DHTKD1: variants seen among roughly 807,000 people sequenced by gnomAD.
DHTKD1 encodes the protein 2-oxoadipate dehydrogenase complex component E1.
Under a neutral mutation model 101.8 loss-of-function variants are expected in DHTKD1, and 78 were observed. That is an observed-to-expected ratio of 0.77 (90% CI 0.64 to 0.93). DHTKD1 has a LOEUF of 0.93. Among genes scored for constraint, DHTKD1 ranks in the 40% least tolerant of loss-of-function variants. DHTKD1 has a pLI of 0.00. For synonymous variants in DHTKD1, 462 were observed against 450.3 expected (o/e 1.03, Z -0.33); for missense variants, 1,223 against 1,161.7 (o/e 1.05, Z -0.77).
chr10:12,102,052 G>T (rs1160569853), intron 10 of DHTKD1, among the ~76,000 whole-genome samples: 1 of 152,158 alleles, frequency 6.6e-6, no homozygotes, highest in Non-Finnish European at 1.5e-5. Flanking sequence ...CTTAAGGTAA[G>T]TTGAGTGGCA....
At position 12,118,807 on chromosome 10, in the gene DHTKD1, G is replaced by C; in HGVS notation, c.2461G>C (p.Glu821Gln). 1.2e-6 allele frequency: 2 copies of C among 1,607,634 alleles called. No homozygotes were observed. The highest frequency in any genetic ancestry group is 1.1e-5 in the South Asian group (1 of 89,798). The change falls in exon 15 of 17, where the codon GAA (glutamate) becomes CAA (glutamine). Residue 821 changes from glutamate (E) to glutamine (Q), a missense_variant. Transcript: ENST00000263035. Reference protein sequence around the residue: ...KHFYSLVKQRESLGAKKHDFA... With the variant: ...KHFYSLVKQRQSLGAKKHDFA... Reference sequence around the variant, plus strand: ...TTTCTACTCCCTGGTGAAACAAAGAGAATCTCTGGGGGCCAAGAAGCATGA... The same window carrying C: ...TTTCTACTCCCTGGTGAAACAAAGACAATCTCTGGGGGCCAAGAAGCATGA...
chr10:12,073,592 C>T (rs1832680653), intron 1 of DHTKD1, among the ~76,000 whole-genome samples: 1 of 152,148 alleles, frequency 6.6e-6, no homozygotes, highest in Non-Finnish European at 1.5e-5. Flanking sequence ...GCCATCTGCC[C>T]TCAACCAGGC....
At chr10:12,085,564 CCTTACTTAAGA>C (rs1832884644) in intron 3 of DHTKD1, among the ~76,000 whole-genome samples, 2 of 152,186 alleles carry the variant, frequency 1.3e-5, no homozygotes, top group South Asian at 2.1e-4. Context: ...CTATAAAAGA[CCTTACTTAAGA>C]CTTACTTAAG....
chr10:12,070,696 C>T (rs982019839), intron 1 of DHTKD1, among the ~76,000 whole-genome samples: 1 of 152,130 alleles, frequency 6.6e-6, no homozygotes, highest in Non-Finnish European at 1.5e-5. Flanking sequence ...ACCATGTTGG[C>T]CAGGCTGGTC....
At chr10:12,111,436 G>C (rs774238178) in intron 12 of DHTKD1, among the ~76,000 whole-genome samples, 10 of 152,212 alleles carry the variant, frequency 6.6e-5, no homozygotes, top group Admixed American at 1.3e-4. Context: ...AAAGTGCTAG[G>C]ATTTCAGGCA....
chr10:12,081,654 G>A, intron 2 of DHTKD1, 27 bp downstream of exon 2: 1 of 1,613,470 alleles, frequency 6.2e-7, no homozygotes, highest in South Asian at 1.1e-5. Context: ...GCAGGCGGGA[G>A]CTCGGAGCTG....
chr10:12,099,899 T>A (rs1448055399), intron 8 of DHTKD1, among the ~76,000 whole-genome samples: 1 of 148,586 alleles, frequency 6.7e-6, no homozygotes, highest in Non-Finnish European at 1.5e-5. Context: ...CAGGTTCCAG[T>A]GACTCCCTGC....
intron 1 of DHTKD1, among the ~76,000 whole-genome samples, chr10:12,069,979 A>G (rs1832630345): frequency 6.6e-6 from 1 of 152,076 alleles, no homozygotes; most frequent in Non-Finnish European, 1.5e-5. Flanking sequence ...GCTTGGGAGA[A>G]GTGGGCAGTT....
At chr10:12,077,369 A>G (rs996085444) in intron 1 of DHTKD1, among the ~76,000 whole-genome samples, 2 of 152,064 alleles carry the variant, frequency 1.3e-5, no homozygotes, top group African/African-American at 4.8e-5. Flanking sequence ...CTGGGATTAC[A>G]GGTGTCTGCC....
intron 12 of DHTKD1, among the ~76,000 whole-genome samples, chr10:12,111,208 C>T (rs1833324917): frequency 6.6e-6 from 1 of 152,134 alleles, no homozygotes; most frequent in Non-Finnish European, 1.5e-5. Flanking sequence ...CTCTGTCACC[C>T]AGGCTGTAGT....
intron 2 of DHTKD1, among the ~76,000 whole-genome samples, chr10:12,083,656 C>T (rs10906070): frequency 0.48 from 72,499 of 151,416 alleles, 19,407 homozygotes; most frequent in South Asian, 0.72. Flanking sequence ...ATCACTTGAA[C>T]CTGGGAGGCA....
At chr10:12,075,854 G>T (rs1832718557) in intron 1 of DHTKD1, among the ~76,000 whole-genome samples, 1 of 150,676 alleles carries the variant, frequency 6.6e-6, no homozygotes, top group African/African-American at 2.4e-5. Flanking sequence ...AACTTGATCA[G>T]TTAATTCCAT....
At chr10:12,073,492 G>GCTCACCAC (rs1040301249) in intron 1 of DHTKD1, among the ~76,000 whole-genome samples, 9 of 152,090 alleles carry the variant, frequency 5.9e-5, no homozygotes, top group Admixed American at 2.0e-4. Flanking sequence ...GACTACAGGT[G>GCTCACCAC]CTCACCACCA....
At chr10:12,090,353 G>T (rs1220717412) in intron 5 of DHTKD1, among the ~76,000 whole-genome samples, 1 of 139,396 alleles carries the variant, frequency 7.2e-6, no homozygotes, top group African/African-American at 2.5e-5. Flanking sequence ...ATTATGATAT[G>T]GCCGGCCCTC....
Position 12,069,111 on chromosome 10 carries a change from C to A in DHTKD1, c.78C>A (p.Thr26=). 1 of 1,610,284 alleles carries A rather than the reference C, an allele frequency of 6.2e-7. No homozygotes were observed. Among genetic ancestry groups the A allele is most frequent in the Non-Finnish European group, 8.5e-7 (1 of 1,179,004 alleles). ...ALPLFWRGYQ[T]ERGVYGYRPR... Reference sequence around the variant, plus strand: ...CTCTCTTCTGGCGTGGCTACCAGACCGAGCGGGGCGTTTACGGCTACCGGC... The same window carrying A: ...CTCTCTTCTGGCGTGGCTACCAGACAGAGCGGGGCGTTTACGGCTACCGGC... The change falls in exon 1 of 17, where the codon ACC becomes ACA. Residue 26 remains threonine, a synonymous_variant. Transcript: ENST00000263035.
chr10:12,119,764 C>T (rs559173316), intron 15 of DHTKD1, among the ~76,000 whole-genome samples: 4 of 152,074 alleles, frequency 2.6e-5, no homozygotes, highest in East Asian at 1.9e-4. Context: ...AGCAAACCTC[C>T]GTGGCACACA....
Position 12,108,064 on chromosome 10 carries a change from G to C in DHTKD1, c.2154+49G>C, listed in dbSNP as rs751380400. ...CAATGAATCATTTTCCTGCTTCCTAGAGCTTTTCTACCTCCTGCGGATAGC... is the reference window on the plus strand; with the variant it reads ...CAATGAATCATTTTCCTGCTTCCTACAGCTTTTCTACCTCCTGCGGATAGC... On this transcript the variant is annotated intron_variant, in intron 12 of 16. Transcript: ENST00000263035. 3 of 1,424,658 alleles carry C rather than the reference G, an allele frequency of 2.1e-6. No individual in the cohort carries two copies. In the Admixed American group the frequency reaches 5.1e-5, roughly 24 times the overall value. 88.3% of individuals were successfully genotyped at this position (1,424,658 alleles called of 1,614,324 possible). A position where few individuals can be genotyped will look rare whatever the true frequency, so the allele number is the denominator to read the frequency against.
intron 1 of DHTKD1, 77 bp downstream of exon 1, chr10:12,069,264 TC>T: frequency 2.0e-6 from 2 of 1,014,024 alleles, no homozygotes; most frequent in Non-Finnish European, 2.5e-6. Flanking sequence ...CGGTGGGGTG[TC>T]GGGGTCGGGG....
rs1157887940 is a variant in DHTKD1 at position 12,118,785 on chromosome 10, C to A, written c.2439C>A (p.Phe813Leu). ...TCGTGTTCTGCTCCGGCAAACATTT[C>A]TACTCCCTGGTGAAACAAAGAGAAT... ...KTLVFCSGKH[F>L]YSLVKQRESL... The change falls in exon 15 of 17, where the codon TTC becomes TTA. Residue 813 changes from phenylalanine to leucine, a missense_variant. Physicochemically the swap from Phe to Leu is conservative, Grantham distance 22. Coordinates refer to ENST00000263035, the MANE Select transcript of DHTKD1 (RefSeq NM_018706.7). The A allele has an allele frequency of 1.0e-5, 16 of 1,603,478 alleles. No individual in the cohort carries two copies. The highest frequency in any genetic ancestry group is 1.1e-5 in the Non-Finnish European group (13 of 1,175,828).
Sources: gnomAD v4.1 joint callset for allele counts (sites outside exome capture counted in the v4.1 genomes callset) on GRCh38, gnomAD v4.1.1 for gene constraint, MANE v1.5 for transcripts, NCBI Gene and HGNC (gene_info 2026-07-23, HGNC 2026-07-21) for gene names.